The following DLGAP2 variants were observed in gnomAD, a reference collection of about 807,000 sequenced individuals.
DLGAP2 encodes the protein disks large-associated protein 2.
In DLGAP2, 26 loss-of-function variants were observed where a neutral mutation model predicts 100.3. The observed-to-expected ratio is 0.26, with a 90% CI of 0.19 to 0.36. The LOEUF (loss-of-function observed/expected upper bound fraction) is 0.36, where lower values mean the gene tolerates loss of function less well. Among genes scored for constraint, DLGAP2 ranks in the 10% least tolerant of loss-of-function variants. The pLI, the probability that DLGAP2 is intolerant of heterozygous loss-of-function variation, is 1.00. For synonymous variants in DLGAP2, 886 were observed against 630.1 expected, an observed-to-expected ratio of 1.41 and a Z score of -6.08; for missense variants, 1,858 against 1,453.2, an observed-to-expected ratio of 1.28 and a Z score of -4.53.
At chr8:1,391,252 A>T (rs930269333) in intron 3 of DLGAP2, among the ~76,000 whole-genome samples, 1 of 152,206 alleles carries the variant, frequency 6.6e-6, no homozygotes, top group African/African-American at 2.4e-5. Flanking sequence ...GAGCTTCCAA[A>T]CTAGGCAATG....
intron 6 of DLGAP2, among the ~76,000 whole-genome samples, chr8:1,578,131 G>C (rs1803069880): frequency 6.6e-6 from 1 of 152,168 alleles, no homozygotes; most frequent in African/African-American, 2.4e-5. Flanking sequence ...TTGCACAAAA[G>C]AGCTTCCCAG....
At chr8:836,505 C>T (rs1796878766) in intron 1 of DLGAP2, among the ~76,000 whole-genome samples, 2 of 152,180 alleles carry the variant, frequency 1.3e-5, no homozygotes, top group Non-Finnish European at 1.5e-5. Flanking sequence ...TCCTGGCAAG[C>T]GTTCGAGGCC....
At chr8:897,462 G>A (rs1331542078) in intron 1 of DLGAP2, among the ~76,000 whole-genome samples, 1 of 152,212 alleles carries the variant, frequency 6.6e-6, no homozygotes, top group African/African-American at 2.4e-5. Flanking sequence ...TTTCAGCGAT[G>A]CTTCCTCACA....
chr8:875,431 T>C (rs1338990362), intron 1 of DLGAP2, among the ~76,000 whole-genome samples: 1 of 152,184 alleles, frequency 6.6e-6, no homozygotes, highest in African/African-American at 2.4e-5. Flanking sequence ...TCCTCCATGC[T>C]ATTCTCGTGA....
At position 1,204,025 on chromosome 8, in the gene DLGAP2, T is replaced by C. The variant is rs944623516; in HGVS notation, c.74-54826T>C. ...AGGGTAAAGTAGTGCTCTTGAAACT[T>C]CAATGTGCTTACGAACCACCTGAGG... On this transcript the variant is annotated intron_variant, in intron 2 of 14. Transcript: ENST00000637795. Among the ~76,000 whole-genome samples the C allele has an allele frequency of 3.9e-5, 6 of 152,218 alleles. No homozygotes were observed. The East Asian group carries it at 1.2e-3, about 29-fold the overall frequency.
intron 2 of DLGAP2, among the ~76,000 whole-genome samples, chr8:1,174,467 A>G (rs1797208613): frequency 6.6e-6 from 1 of 151,874 alleles, no homozygotes; most frequent in Non-Finnish European, 1.5e-5. Context: ...TATCGTCATC[A>G]TTACCATTAC....
chr8:1,227,153 G>GATATATATATATATATATATATATACTAT (rs759172816), intron 2 of DLGAP2, among the ~76,000 whole-genome samples: 1 of 89,750 alleles, frequency 1.1e-5, no homozygotes, highest in Non-Finnish European at 2.0e-5. Flanking sequence ...GAAACTGTGA[G>GATATATATATATATATATATATATACTAT]ATATATATAT....
intron 10 of DLGAP2, among the ~76,000 whole-genome samples, chr8:1,671,415 G>C (rs1033390486): frequency 6.6e-6 from 1 of 152,172 alleles, no homozygotes; most frequent in Non-Finnish European, 1.5e-5. Context: ...TGTGTTCTGC[G>C]AATGTCATTC....
chr8:1,139,776 G>A (rs1796489135), intron 2 of DLGAP2, among the ~76,000 whole-genome samples: 1 of 152,132 alleles, frequency 6.6e-6, no homozygotes, highest in South Asian at 2.1e-4. Context: ...AGGGTTTGGG[G>A]TCTGACAGGT....
At chr8:1,362,892 C>T (rs1172103752) in intron 3 of DLGAP2, among the ~76,000 whole-genome samples, 1 of 152,192 alleles carries the variant, frequency 6.6e-6, no homozygotes. Flanking sequence ...TTTCCCTTCT[C>T]TTCTCGTCTT....
At chr8:1,029,898 G>T (rs948645883) in intron 2 of DLGAP2, among the ~76,000 whole-genome samples, 2 of 152,170 alleles carry the variant, frequency 1.3e-5, no homozygotes, top group African/African-American at 4.8e-5. Context: ...GACTCTTGCA[G>T]ACACAAACAT....
chr8:1,623,350 A>T (rs1797397586), intron 6 of DLGAP2, among the ~76,000 whole-genome samples: 1 of 151,720 alleles, frequency 6.6e-6, no homozygotes, highest in African/African-American at 2.4e-5. Context: ...GTGTGTGAAG[A>T]CCTGTGCGTG....
At chr8:1,629,044 C>T (rs962483721) in intron 7 of DLGAP2, among the ~76,000 whole-genome samples, 1 of 152,192 alleles carries the variant, frequency 6.6e-6, no homozygotes, top group African/African-American at 2.4e-5. Context: ...GGCACTAAAG[C>T]CCTCCTGGCT....
At position 1,678,547 on chromosome 8, in the gene DLGAP2, G is replaced by A. The variant is rs1160736023; in HGVS notation, c.2622G>A (p.Leu874=). The change falls in exon 12 of 15, where the codon CTG becomes CTA. Residue 874 remains leucine (L), a synonymous_variant. Coordinates refer to ENST00000637795, the MANE Select transcript of DLGAP2 (RefSeq NM_001346810.2). Reference sequence around the variant, plus strand: ...GGGATGGCTCGTGGTTTTTGAAGCTGCTGCACGCAGAGACAAAGAGGATGG... The same window carrying A: ...GGGATGGCTCGTGGTTTTTGAAGCTACTGCACGCAGAGACAAAGAGGATGG... ...CRRDGSWFLK[L]LHAETKRMEG... 1 of 1,594,594 alleles carries A rather than the reference G, an allele frequency of 6.3e-7. No homozygotes were observed. The highest frequency in any genetic ancestry group is 8.5e-7 in the Non-Finnish European group (1 of 1,170,798).
chr8:1,055,698 G>C (rs1802862711), intron 2 of DLGAP2, among the ~76,000 whole-genome samples: 1 of 152,168 alleles, frequency 6.6e-6, no homozygotes, highest in African/African-American at 2.4e-5. Flanking sequence ...GCAGGTTCCA[G>C]AGCTGCATCC....
chr8:1,613,419 A>C (rs900930462), intron 6 of DLGAP2, among the ~76,000 whole-genome samples: 13 of 151,990 alleles, frequency 8.6e-5, no homozygotes, highest in Middle Eastern at 3.2e-3. Context: ...GGAGGGATAG[A>C]ATTGGGAGAT....
intron 2 of DLGAP2, among the ~76,000 whole-genome samples, chr8:1,143,491 C>T (rs1226740097): frequency 6.6e-6 from 1 of 152,188 alleles, no homozygotes; most frequent in Non-Finnish European, 1.5e-5. Context: ...CACTATGTTT[C>T]AGGAACTGGA....
chr8:1,662,912 A>G (rs34588891), intron 8 of DLGAP2, among the ~76,000 whole-genome samples: 42,130 of 133,030 alleles, frequency 0.32, 6,037 homozygotes, highest in East Asian at 0.55. Context: ...TGGGGGATGC[A>G]TGTCTGTGTG....
At chr8:1,429,049 A>C (rs886863088) in intron 3 of DLGAP2, among the ~76,000 whole-genome samples, 50 of 152,348 alleles carry the variant, frequency 3.3e-4, no homozygotes, top group African/African-American at 1.2e-3. Context: ...CCAGACTGCA[A>C]GCAGTGTAGC....
Sources: allele counts gnomAD v4.1 joint callset (sites outside exome capture counted in the v4.1 genomes callset), GRCh38; gene constraint gnomAD v4.1.1; transcripts MANE v1.5; gene names NCBI Gene and HGNC (gene_info 2026-07-23, HGNC 2026-07-21).